CADM2: variants seen among roughly 807,000 people sequenced by gnomAD.
The protein encoded by CADM2 is immunoglobulin superfamily member 4D.
Under a neutral mutation model 49.8 loss-of-function variants are expected in CADM2, and 12 were observed. That is an observed-to-expected ratio of 0.24 (90% CI 0.15 to 0.39). CADM2 has a LOEUF of 0.39. Among genes scored for constraint, CADM2 ranks in the 10% least tolerant of loss-of-function variants. The pLI is 1.00. For missense variants in CADM2, 378 were observed against 492.3 expected, an observed-to-expected ratio of 0.77 and a Z score of 2.20; for synonymous variants, 214 against 175.4, an observed-to-expected ratio of 1.22 and a Z score of -1.74.
chr3:85,574,887 C>G (rs951233334), intron 1 of CADM2, among the ~76,000 whole-genome samples: 3 of 152,132 alleles, frequency 2.0e-5, no homozygotes, highest in Non-Finnish European at 4.4e-5. Flanking sequence ...GCAGGAGGCA[C>G]CTGGTTGTGA....
intron 8 of CADM2, chr3:85,993,619 C>G (rs999450342): frequency 2.6e-5 from 4 of 152,074 alleles, no homozygotes; most frequent in Non-Finnish European, 5.9e-5. Flanking sequence ...AAATGTATCT[C>G]TTAAATAACA....
chr3:85,359,775 G>T (rs1166818355), intron 1 of CADM2, among the ~76,000 whole-genome samples: 1 of 147,574 alleles, frequency 6.8e-6, no homozygotes, highest in Non-Finnish European at 1.5e-5. Context: ...CTTTGTGTCT[G>T]CAGCCTTGTC....
chr3:85,321,091 CATAT>C (rs1227890094), intron 1 of CADM2, among the ~76,000 whole-genome samples: 2,598 of 64,742 alleles, frequency 0.04, 128 homozygotes, highest in Middle Eastern at 0.087. Context: ...TAGATATATA[CATAT>C]ATATATATAT....
chr3:85,433,836 A>G (rs2036801668), intron 1 of CADM2, among the ~76,000 whole-genome samples: 1 of 152,178 alleles, frequency 6.6e-6, no homozygotes, highest in Non-Finnish European at 1.5e-5. Flanking sequence ...AATGATACTT[A>G]GAATCATACC....
chr3:85,113,636 G>T (rs1489378775), intron 1 of CADM2, among the ~76,000 whole-genome samples: 5 of 149,974 alleles, frequency 3.3e-5, no homozygotes, highest in Admixed American at 3.3e-4. Context: ...ACTTCTAAAT[G>T]TAATTAAAGC....
At chr3:85,084,268 C>A (rs139593182) in intron 1 of CADM2, among the ~76,000 whole-genome samples, 2 of 152,178 alleles carry the variant, frequency 1.3e-5, no homozygotes, top group African/African-American at 4.8e-5. Context: ...TTCTATTTTC[C>A]CCTTAGAGTA....
intron 1 of CADM2, among the ~76,000 whole-genome samples, chr3:85,265,150 C>T (rs1341623487): frequency 6.6e-6 from 1 of 151,974 alleles, no homozygotes; most frequent in African/African-American, 2.4e-5. Context: ...ACAGAATCCA[C>T]ATTAACTTTA....
chr3:85,811,375 A>T (rs2072867857), intron 3 of CADM2, among the ~76,000 whole-genome samples: 1 of 152,222 alleles, frequency 6.6e-6, no homozygotes, highest in South Asian at 2.1e-4. Context: ...TTTAACAAAC[A>T]CTGAACAGTT....
chr3:85,483,098 G>T (rs6776839), intron 1 of CADM2, among the ~76,000 whole-genome samples: 29,949 of 151,052 alleles, frequency 0.2, 3,753 homozygotes, highest in East Asian at 0.3. Flanking sequence ...TATAGTATGG[G>T]TTTTTTGAGT....
intron 7 of CADM2, among the ~76,000 whole-genome samples, chr3:85,952,017 G>A (rs897392006): frequency 1.2e-4 from 18 of 150,874 alleles, no homozygotes; most frequent in African/African-American, 4.4e-4. Context: ...TAAGACTGGA[G>A]GTTTTGATGA....
At chr3:85,444,141 G>T (rs2037334452) in intron 1 of CADM2, among the ~76,000 whole-genome samples, 1 of 151,870 alleles carries the variant, frequency 6.6e-6, no homozygotes, top group Non-Finnish European at 1.5e-5. Flanking sequence ...TTATATTTTA[G>T]CACCTATAGA....
rs920616815 is a variant in CADM2, at chr3:86,057,259, A to G, written c.971-8346A>G. Among the ~76,000 whole-genome samples the G allele has an allele frequency of 2.0e-5, 3 of 152,124 alleles. No homozygotes were observed. The East Asian group carries it at 5.8e-4, about 29-fold the overall frequency. ...TATGTATAACTGTTTCTAATGTTGT[A>G]CCATAGTGCCCCTCTTTCTGAAGAA... is the stretch of plus-strand genomic sequence containing the variant. On this transcript the variant is annotated intron_variant, in intron 8 of 9. Coordinates refer to ENST00000383699, the MANE Select transcript of CADM2 (RefSeq NM_001167675.2).
intron 1 of CADM2, among the ~76,000 whole-genome samples, chr3:84,987,163 A>G (rs1049337627): frequency 1.3e-5 from 2 of 151,608 alleles, no homozygotes; most frequent in Non-Finnish European, 2.9e-5. Context: ...TGTGGCTATG[A>G]GTATGTGTAT....
intron 2 of CADM2, among the ~76,000 whole-genome samples, chr3:85,748,870 A>G (rs1175129213): frequency 6.6e-6 from 1 of 152,144 alleles, no homozygotes; most frequent in African/African-American, 2.4e-5. Flanking sequence ...TTAATTATAA[A>G]AGTATTCAAA....
intron 1 of CADM2, among the ~76,000 whole-genome samples, chr3:85,590,710 A>G (rs2063082478): frequency 6.6e-6 from 1 of 151,888 alleles, no homozygotes; most frequent in Non-Finnish European, 1.5e-5. Context: ...GTGATAAGGA[A>G]TGATTTGCTA....
intron 1 of CADM2, among the ~76,000 whole-genome samples, chr3:85,530,867 T>A (rs6549032): frequency 7.3e-6 from 1 of 136,840 alleles, no homozygotes; most frequent in South Asian, 2.4e-4. Context: ...TATGTAAAAA[T>A]ACACACACAC....
chr3:85,297,539 C>A (rs1201940020), intron 1 of CADM2, among the ~76,000 whole-genome samples: 2 of 152,024 alleles, frequency 1.3e-5, no homozygotes, highest in East Asian at 3.9e-4. Context: ...GGACAGGGTA[C>A]TGGGGTCTCA....
chr3:85,349,215 C>T (rs1369772579), intron 1 of CADM2, among the ~76,000 whole-genome samples: 2 of 152,104 alleles, frequency 1.3e-5, no homozygotes, highest in Non-Finnish European at 2.9e-5. Flanking sequence ...AGCCTCTCCG[C>T]GTTTATTAAG....
chr3:85,634,933 A>C (rs1669224522), intron 1 of CADM2, among the ~76,000 whole-genome samples: 1 of 152,074 alleles, frequency 6.6e-6, no homozygotes, highest in South Asian at 2.1e-4. Flanking sequence ...TTAACAATTC[A>C]TTCTAATGGC....
Sources: gnomAD v4.1 joint callset for allele counts (sites outside exome capture counted in the v4.1 genomes callset) on GRCh38, gnomAD v4.1.1 for gene constraint, MANE v1.5 for transcripts, NCBI Gene and HGNC (gene_info 2026-07-23, HGNC 2026-07-21) for gene names.